CUX2: variants seen among roughly 807,000 people sequenced by gnomAD.
CUX2 encodes the protein homeobox protein cut-like 2.
Under a neutral mutation model 144.8 loss-of-function variants are expected in CUX2, and 40 were observed. That is an observed-to-expected ratio of 0.28 (90% CI 0.21 to 0.36). The LOEUF (loss-of-function observed/expected upper bound fraction) is 0.36. Ranked by LOEUF, CUX2 falls within the 10% of genes least tolerant of loss-of-function variation. The pLI, the probability that CUX2 is intolerant of heterozygous loss-of-function variation, is 1.00. For synonymous variants in CUX2, 827 were observed against 875.6 expected, an observed-to-expected ratio of 0.94 and a Z score of 0.98; for missense variants, 1,615 against 1,994.0, an observed-to-expected ratio of 0.81 and a Z score of 3.62.
chr12:111,044,589 G>C (rs995687719), intron 1 of CUX2, among the ~76,000 whole-genome samples: 1 of 152,060 alleles, frequency 6.6e-6, no homozygotes, highest in African/African-American at 2.4e-5. Context: ...TTCCAAATCA[G>C]CTCCCCTCTC....
chr12:111,303,516 A>T (rs922540915), intron 9 of CUX2, among the ~76,000 whole-genome samples: 5 of 151,788 alleles, frequency 3.3e-5, no homozygotes, highest in Admixed American at 6.6e-5. Context: ...TGCACTTGTA[A>T]TCCCAGCTAC....
intron 3 of CUX2, among the ~76,000 whole-genome samples, chr12:111,244,685 T>A (rs1592875334): frequency 6.6e-6 from 1 of 152,184 alleles, no homozygotes; most frequent in South Asian, 2.1e-4. Flanking sequence ...TTTCCCAGTG[T>A]ACAGCCTAGT....
chr12:111,207,999 T>A (rs537277487), intron 1 of CUX2, among the ~76,000 whole-genome samples: 2 of 152,020 alleles, frequency 1.3e-5, no homozygotes, highest in Non-Finnish European at 2.9e-5. Context: ...GCATTTCGGT[T>A]TCTGCACGGA....
intron 9 of CUX2, among the ~76,000 whole-genome samples, chr12:111,303,411 G>A (rs1305066789): frequency 6.6e-6 from 1 of 151,824 alleles, no homozygotes; most frequent in Non-Finnish European, 1.5e-5. Context: ...TGAAGCGGGT[G>A]GATCACCTGA....
intron 1 of CUX2, among the ~76,000 whole-genome samples, chr12:111,193,300 A>G (rs757175335): frequency 2.0e-4 from 30 of 152,360 alleles, no homozygotes; most frequent in Admixed American, 4.6e-4. Flanking sequence ...CATCCCCGGC[A>G]CAGCCGGCGG....
chr12:111,308,453 G>A lies in CUX2; in HGVS notation c.1185G>A (p.Leu395=), dbSNP rs1471046304. 3.1e-6 allele frequency: 5 copies of A among 1,614,166 alleles called. No homozygotes were observed. Among genetic ancestry groups the A allele is most frequent in the Non-Finnish European group, 4.2e-6 (5 of 1,180,020 alleles). The part of the protein sequence containing the change: ...PQGMAKPEDS[L]LIAKEAFFPT... ...GCATGGCCAAGCCTGAAGACTCACT[G>A]CTTATTGCAAAGGAGGCCTTCTTCC... Residue 395 remains leucine (L), a synonymous_variant, in exon 14 of 22, where the codon CTG becomes CTA. Coordinates refer to ENST00000261726, the MANE Select transcript of CUX2 (RefSeq NM_015267.4).
chr12:111,250,982 C>T (rs1008407958), intron 3 of CUX2, among the ~76,000 whole-genome samples: 7 of 152,080 alleles, frequency 4.6e-5, no homozygotes, highest in African/African-American at 9.7e-5. Flanking sequence ...CTGCAGCTTT[C>T]GGCTCATTAT....
At chr12:111,166,699 A>C (rs193190365) in intron 1 of CUX2, among the ~76,000 whole-genome samples, 24 of 152,312 alleles carry the variant, frequency 1.6e-4, no homozygotes, top group Non-Finnish European at 2.9e-4. Flanking sequence ...GCAGAGGCTA[A>C]ACGTGGAAGG....
At chr12:111,103,176 G>C (rs1370588759) in intron 1 of CUX2, among the ~76,000 whole-genome samples, 1 of 152,160 alleles carries the variant, frequency 6.6e-6, no homozygotes, top group Non-Finnish European at 1.5e-5. Context: ...CTGGTGTATA[G>C]TAGATGCTCA....
Position 111,308,522 on chromosome 12 carries a change from C to A in CUX2, c.1254C>A (p.Ser418Arg). The part of the protein sequence containing the change: ...FLLEKPSLLA[S>R]PEEDPSEDDS... ...TGGAGAAGCCCAGCCTCCTGGCCAG[C>A]CCTGGTAGGGGAGGAGGATACTCTG... The change falls in exon 14 of 22, where the codon AGC becomes AGA. Residue 418 changes from serine to arginine, a missense_variant. Physicochemically the swap from Ser to Arg is moderately radical, Grantham distance 110 (BLOSUM62 -1). This residue lies in a region of CUX2 where 57 missense variants were observed against 60.8 expected (regional missense o/e 0.94). Coordinates refer to ENST00000261726, the MANE Select transcript of CUX2 (RefSeq NM_015267.4). 1.2e-6 allele frequency: 2 copies of A among 1,609,094 alleles called. No homozygotes were observed. The highest frequency in any genetic ancestry group is 1.3e-5 in the African/African-American group (1 of 74,868).
At chr12:111,145,407 G>T (rs929246439) in intron 1 of CUX2, among the ~76,000 whole-genome samples, 1 of 152,232 alleles carries the variant, frequency 6.6e-6, no homozygotes, top group East Asian at 1.9e-4. Context: ...TGCCATCCAG[G>T]CCAATGATTG....
chr12:111,302,824 C>T (rs1323853132), intron 9 of CUX2, among the ~76,000 whole-genome samples: 1 of 151,210 alleles, frequency 6.6e-6, no homozygotes, highest in African/African-American at 2.4e-5. Context: ...TGCTTGAACC[C>T]AGGAGGTGGA....
chr12:111,230,194 G>C (rs12812714), intron 3 of CUX2, among the ~76,000 whole-genome samples: 4 of 140,836 alleles, frequency 2.8e-5, no homozygotes, highest in Non-Finnish European at 6.2e-5. Flanking sequence ...AAGGAAGCAG[G>C]AGAGGGGGGG....
intron 1 of CUX2, among the ~76,000 whole-genome samples, chr12:111,071,931 G>A (rs1871269948): frequency 1.3e-5 from 2 of 152,144 alleles, no homozygotes; most frequent in Non-Finnish European, 2.9e-5. Flanking sequence ...CTATATTTAT[G>A]TGGGTCTATT....
rs1887496125 is a variant in CUX2, at chr12:111,320,932, C to G, written c.2766+157C>G. 6.6e-6 allele frequency among the ~76,000 whole-genome samples: 1 copy of G among 152,226 alleles called. No homozygotes were observed. The highest frequency in any genetic ancestry group is 1.5e-5 in the Non-Finnish European group (1 of 68,042). On this transcript the variant is annotated intron_variant, in intron 17 of 21. Coordinates refer to ENST00000261726, the MANE Select transcript of CUX2 (RefSeq NM_015267.4). This position sits in a 1 kb window ranked among gnomAD's most constrained non-coding sequence, Gnocchi z 8.1. ...TCCCGCAGGAAGGAGGGCCACTGTT[C>G]TGCTCCGTGGTTGTTAAAACCAGGA... is the stretch of plus-strand genomic sequence containing the variant.
chr12:111,104,472 C>T (rs1873465569), intron 1 of CUX2, among the ~76,000 whole-genome samples: 1 of 152,166 alleles, frequency 6.6e-6, no homozygotes, highest in African/African-American at 2.4e-5. Context: ...TCACACTGGC[C>T]AGGTGGGGAG....
At chr12:111,206,512 A>G (rs995961239) in intron 1 of CUX2, among the ~76,000 whole-genome samples, 2 of 152,154 alleles carry the variant, frequency 1.3e-5, no homozygotes, top group African/African-American at 4.8e-5. Flanking sequence ...TACTGTTTTT[A>G]TACTTCTCAT....
chr12:111,274,993 A>C (rs1303660726), intron 4 of CUX2, among the ~76,000 whole-genome samples: 1 of 151,884 alleles, frequency 6.6e-6, no homozygotes, highest in Non-Finnish European at 1.5e-5. Flanking sequence ...CACCAATAGC[A>C]TCAGCTAGTG....
At chr12:111,076,205 G>T (rs551923844) in intron 1 of CUX2, among the ~76,000 whole-genome samples, 138 of 152,300 alleles carry the variant, frequency 9.1e-4, no homozygotes, top group African/African-American at 3.1e-3. Flanking sequence ...AGGTCCTCAG[G>T]CTGGGATGTG....
Sources: gnomAD v4.1 joint callset for allele counts (sites outside exome capture counted in the v4.1 genomes callset) on GRCh38, gnomAD v4.1.1 for gene constraint, gnomAD v4.1.1 regional missense constraint, Gnocchi (gnomAD v3.1) non-coding constraint, MANE v1.5 for transcripts, NCBI Gene and HGNC (gene_info 2026-07-23, HGNC 2026-07-21) for gene names.